Variants in ACVR1 observed in about 807,000 individuals in gnomAD.
ACVR1 encodes the protein activin receptor type-1.
ACVR1 carries 38 observed loss-of-function variants against 57.1 expected under a neutral mutation model. The observed-to-expected ratio is 0.67, with a 90% CI of 0.51 to 0.87. ACVR1 has a LOEUF of 0.87. Among genes scored for constraint, ACVR1 ranks in the 40% least tolerant of loss-of-function variants. The pLI, the probability that ACVR1 is intolerant of heterozygous loss-of-function variation, is 0.00. For missense variants in ACVR1, 463 were observed against 638.2 expected, an observed-to-expected ratio of 0.73 and a Z score of 2.96; for synonymous variants, 212 against 228.1, an observed-to-expected ratio of 0.93 and a Z score of 0.63.
intron 1 of ACVR1, among the ~76,000 whole-genome samples, chr2:157,861,352 A>C (rs1689711145): frequency 6.6e-6 from 1 of 152,218 alleles, no homozygotes; most frequent in Non-Finnish European, 1.5e-5. Context: ...ACTTTGTTGA[A>C]GGAGACGTTC....
chr2:157,737,237 T>C lies in ACVR1; in HGVS notation c.*294A>G. The C allele has an allele frequency of 4.1e-6, 2 of 490,734 alleles. No homozygotes were observed. The highest frequency in any genetic ancestry group is 7.5e-6 in the Non-Finnish European group (2 of 268,380). The allele number at this position is 490,734 out of a possible 1,614,324, so 30.4% of individuals were successfully genotyped here. On this transcript the variant is annotated 3_prime_UTR_variant, in exon 11 of 11. Coordinates refer to ENST00000434821, the MANE Select transcript of ACVR1 (RefSeq NM_001111067.4). ...GCCACTGACTTAATGCCCAGATCTC[T>C]TTTAGGATTTCTCTGTGTTCCTCCA...
At chr2:157,833,829 T>C (rs1279763114) in intron 1 of ACVR1, among the ~76,000 whole-genome samples, 1 of 152,202 alleles carries the variant, frequency 6.6e-6, no homozygotes, top group Non-Finnish European at 1.5e-5. Flanking sequence ...GCGTTAAGTA[T>C]TGGTGGAGGT....
At chr2:157,753,027 A>G (rs1685268055) in intron 9 of ACVR1, among the ~76,000 whole-genome samples, 1 of 152,234 alleles carries the variant, frequency 6.6e-6, no homozygotes, top group South Asian at 2.1e-4. Flanking sequence ...TGCAAAATAG[A>G]TAAGAATTCA....
At position 157,763,657 on chromosome 2, in the gene ACVR1, G is replaced by A. The variant is rs576125669; in HGVS notation, c.1066+2264C>T. Among the ~76,000 whole-genome samples, 28 of 152,236 alleles carry A rather than the reference G, an allele frequency of 1.8e-4. 1 individual carries two copies. Among genetic ancestry groups the A allele is most frequent in the African/African-American group, 6.5e-4 (27 of 41,538 alleles). On this transcript the variant is annotated intron_variant, in intron 8 of 10. Transcript: ENST00000434821. ...AGATTGCTTAAGCCCAGTAGATCGA[G>A]GCTGCAGTGACCTATGATCAGCCTG...
At chr2:157,867,144 G>A (rs1399299039) in intron 1 of ACVR1, among the ~76,000 whole-genome samples, 1 of 152,100 alleles carries the variant, frequency 6.6e-6, no homozygotes, top group African/African-American at 2.4e-5. Context: ...TCTTTTAAGA[G>A]CAACACCATT....
intron 8 of ACVR1, among the ~76,000 whole-genome samples, chr2:157,765,207 C>CT (rs1330320942): frequency 6.6e-6 from 1 of 152,186 alleles, no homozygotes; most frequent in Non-Finnish European, 1.5e-5. Context: ...GAGTACTACT[C>CT]TAACACCATA....
chr2:157,792,992 G>T (rs1286677678), intron 3 of ACVR1, among the ~76,000 whole-genome samples: 2 of 152,196 alleles, frequency 1.3e-5, no homozygotes, highest in Non-Finnish European at 2.9e-5. Context: ...GCAGAGGAAA[G>T]TTCCGCAGGA....
At chr2:157,793,565 C>T (rs954303279) in intron 3 of ACVR1, among the ~76,000 whole-genome samples, 2 of 152,100 alleles carry the variant, frequency 1.3e-5, no homozygotes, top group Admixed American at 6.6e-5. Context: ...CATTCTAGGT[C>T]CCAGTAGTAG....
At chr2:157,861,934 C>T (rs1295785956) in intron 1 of ACVR1, among the ~76,000 whole-genome samples, 2 of 152,084 alleles carry the variant, frequency 1.3e-5, no homozygotes, top group Non-Finnish European at 2.9e-5. Context: ...ACCTGTCACA[C>T]TAGAGAGGTA....
chr2:157,750,986 C>T (rs1446838864), intron 9 of ACVR1, among the ~76,000 whole-genome samples: 3 of 151,922 alleles, frequency 2.0e-5, no homozygotes, highest in South Asian at 2.1e-4. Flanking sequence ...GACAGAGCAA[C>T]GTGTGGAGAC....
intron 2 of ACVR1, among the ~76,000 whole-genome samples, chr2:157,809,709 T>C (rs1192645458): frequency 1.3e-5 from 2 of 152,122 alleles, no homozygotes; most frequent in African/African-American, 2.4e-5. Context: ...ATCTTAAAAA[T>C]AGGTGATGCG....
intron 1 of ACVR1, among the ~76,000 whole-genome samples, chr2:157,848,674 G>A (rs1689202152): frequency 6.6e-6 from 1 of 152,250 alleles, no homozygotes; most frequent in Admixed American, 6.5e-5. Flanking sequence ...AGGCAGTCTA[G>A]TTGGGCTATT....
chr2:157,827,046 T>C (rs1288613954), intron 1 of ACVR1, among the ~76,000 whole-genome samples: 1 of 152,030 alleles, frequency 6.6e-6, no homozygotes, highest in East Asian at 1.9e-4. Flanking sequence ...CTCTTACCAT[T>C]TCTAGGGTAG....
At chr2:157,862,413 A>C (rs1321425843) in intron 1 of ACVR1, among the ~76,000 whole-genome samples, 1 of 108,832 alleles carries the variant, frequency 9.2e-6, no homozygotes, top group African/African-American at 3.2e-5. Context: ...CAGGATAAAC[A>C]TATACACATA....
At chr2:157,776,164 T>C (rs1016153319) in intron 5 of ACVR1, among the ~76,000 whole-genome samples, 2 of 152,268 alleles carry the variant, frequency 1.3e-5, no homozygotes, top group Non-Finnish European at 2.9e-5. Flanking sequence ...ACTGTGTTAT[T>C]ATATCATGAT....
chr2:157,852,155 T>G (rs1689337131), intron 1 of ACVR1, among the ~76,000 whole-genome samples: 1 of 151,324 alleles, frequency 6.6e-6, no homozygotes, highest in African/African-American at 2.4e-5. Flanking sequence ...AAAAGGCCAA[T>G]AAAGAGGACA....
intron 2 of ACVR1, among the ~76,000 whole-genome samples, chr2:157,807,264 C>CT (rs1687581621): frequency 6.6e-6 from 1 of 152,184 alleles, no homozygotes; most frequent in South Asian, 2.1e-4. Context: ...ATGAAATTGA[C>CT]TTTGTTACAC....
intron 2 of ACVR1, 56 bp downstream of exon 2, chr2:157,818,329 C>T (rs1032395087): frequency 3.1e-4 from 47 of 152,240 alleles, no homozygotes; most frequent in African/African-American, 1.1e-3. Context: ...AGTGGCTGCA[C>T]TGCTGGTTCT....
intron 1 of ACVR1, among the ~76,000 whole-genome samples, chr2:157,844,878 ATGTGAGAACACAGC>A (rs750235506): frequency 5.3e-5 from 8 of 152,282 alleles, no homozygotes; most frequent in Non-Finnish European, 8.8e-5. Context: ...CCCTTCCACC[ATGTGAGAACACAGC>A]AAGAAGGTGC....
Sources: gnomAD v4.1 joint callset for allele counts (sites outside exome capture counted in the v4.1 genomes callset) on GRCh38, gnomAD v4.1.1 for gene constraint, MANE v1.5 for transcripts, NCBI Gene and HGNC (gene_info 2026-07-23, HGNC 2026-07-21) for gene names.